The following FHOD3 variants were observed in gnomAD, a reference collection of about 807,000 sequenced individuals.
FHOD3 encodes the protein FH1/FH2 domain-containing protein 3.
Under a neutral mutation model 173.0 loss-of-function variants are expected in FHOD3, and 90 were observed. The observed-to-expected ratio is 0.52, with a 90% CI of 0.44 to 0.62. FHOD3 has a LOEUF of 0.62. Ranked by LOEUF, FHOD3 falls within the 20% of genes least tolerant of loss-of-function variation. FHOD3 has a pLI of 0.00. For synonymous variants in FHOD3, 828 were observed against 823.0 expected, an observed-to-expected ratio of 1.01 and a Z score of -0.10; for missense variants, 1,945 against 2,034.7, an observed-to-expected ratio of 0.96 and a Z score of 0.85.
At chr18:36,498,755 A>G (rs2054871605) in intron 3 of FHOD3, among the ~76,000 whole-genome samples, 1 of 152,252 alleles carries the variant, frequency 6.6e-6, no homozygotes, top group Non-Finnish European at 1.5e-5. Context: ...TTGCAAGAAA[A>G]GAAACTATAA....
At chr18:36,316,287 AAGG>A (rs2044116320) in intron 1 of FHOD3, among the ~76,000 whole-genome samples, 1 of 152,182 alleles carries the variant, frequency 6.6e-6, no homozygotes, top group Admixed American at 6.5e-5. Context: ...GTGAGGGGAC[AAGG>A]AGAAGTTTAG....
chr18:36,572,714 A>G (rs1332719209), intron 5 of FHOD3, among the ~76,000 whole-genome samples: 1 of 112,732 alleles, frequency 8.9e-6, no homozygotes, highest in Admixed American at 9.3e-5. Flanking sequence ...GGCCAGTACC[A>G]GAGGCCCTGA....
At chr18:36,298,110 C>A in intron 1 of FHOD3, 110 bp downstream of exon 1, 2 of 993,994 alleles carry the variant, frequency 2.0e-6, no homozygotes, top group Non-Finnish European at 2.7e-6. Context: ...CTGGGCGCGG[C>A]CCGGGGGGAC....
At chr18:36,667,788 TAAAAA>T (rs1568576702) in intron 14 of FHOD3, among the ~76,000 whole-genome samples, 1 of 152,192 alleles carries the variant, frequency 6.6e-6, no homozygotes, top group East Asian at 1.9e-4. Context: ...CTAACGTTAT[TAAAAA>T]AGAAAAGTAG....
chr18:36,716,367 A>G (rs139898251), intron 18 of FHOD3, among the ~76,000 whole-genome samples: 24 of 152,334 alleles, frequency 1.6e-4, no homozygotes, highest in African/African-American at 5.8e-4. Context: ...TGGAGGATGA[A>G]AGAAAAGAAG....
At chr18:36,432,626 G>A (rs970971193) in intron 3 of FHOD3, among the ~76,000 whole-genome samples, 4 of 152,190 alleles carry the variant, frequency 2.6e-5, no homozygotes, top group Admixed American at 6.5e-5. Flanking sequence ...CCATGATGGG[G>A]TCACACATGG....
At chr18:36,743,039 G>A (rs1196641524) in intron 22 of FHOD3, among the ~76,000 whole-genome samples, 183 bp downstream of exon 22, 4 of 152,160 alleles carry the variant, frequency 2.6e-5, no homozygotes, top group South Asian at 4.1e-4. Flanking sequence ...GGCCGGGCGC[G>A]GTGGCTCACA....
intron 2 of FHOD3, among the ~76,000 whole-genome samples, chr18:36,369,629 G>A (rs891081521): frequency 2.0e-5 from 3 of 151,858 alleles, no homozygotes; most frequent in Non-Finnish European, 2.9e-5. Context: ...TTATATACAT[G>A]TAAAACTATT....
chr18:36,445,498 G>T (rs2051414738), intron 3 of FHOD3, among the ~76,000 whole-genome samples: 2 of 152,162 alleles, frequency 1.3e-5, no homozygotes, highest in Non-Finnish European at 2.9e-5. Context: ...GTTTGGCGGG[G>T]TCGATGTGGT....
intron 5 of FHOD3, among the ~76,000 whole-genome samples, chr18:36,548,915 G>A (rs1236192311): frequency 1.3e-5 from 2 of 152,162 alleles, no homozygotes; most frequent in Non-Finnish European, 2.9e-5. Context: ...GTATGGAGAT[G>A]TTTTTATTTC....
intron 28 of FHOD3, chr18:36,778,039 C>T (rs144760188): frequency 5.8e-4 from 89 of 152,300 alleles, no homozygotes; most frequent in African/African-American, 2.1e-3. Flanking sequence ...TATGTTGACC[C>T]CTGTTCCAAG....
At chr18:36,513,655 G>A (rs575079345) in intron 5 of FHOD3, among the ~76,000 whole-genome samples, 35 of 152,108 alleles carry the variant, frequency 2.3e-4, no homozygotes, top group African/African-American at 8.4e-4. Context: ...GTTTTGCCCC[G>A]AGAATGCTTC....
intron 3 of FHOD3, among the ~76,000 whole-genome samples, chr18:36,469,458 T>C (rs2053148178): frequency 9.0e-6 from 1 of 111,208 alleles, no homozygotes; most frequent in Non-Finnish European, 2.2e-5. Flanking sequence ...CATTTGTTGC[T>C]CCCCTGATCC....
At chr18:36,324,495 A>G (rs1568123118) in intron 1 of FHOD3, among the ~76,000 whole-genome samples, 1 of 152,344 alleles carries the variant, frequency 6.6e-6, no homozygotes, top group East Asian at 1.9e-4. Context: ...GTGTGTAAAT[A>G]TTCAATAAAG....
intron 10 of FHOD3, among the ~76,000 whole-genome samples, chr18:36,646,761 T>G (rs1179678037): frequency 6.6e-6 from 1 of 152,140 alleles, no homozygotes; most frequent in Non-Finnish European, 1.5e-5. Context: ...GAGACTATCT[T>G]TAAGACCTGG....
chr18:36,349,407 T>C (rs982932787), intron 1 of FHOD3, among the ~76,000 whole-genome samples: 2 of 152,170 alleles, frequency 1.3e-5, no homozygotes, highest in African/African-American at 2.4e-5. Context: ...ATTGGGAGGA[T>C]GTGGATGCAG....
At chr18:36,341,037 T>C (rs1398030484) in intron 1 of FHOD3, among the ~76,000 whole-genome samples, 1 of 152,200 alleles carries the variant, frequency 6.6e-6, no homozygotes, top group Non-Finnish European at 1.5e-5. Flanking sequence ...GCGCAGCAGC[T>C]AAGAACAATG....
At chr18:36,461,449 T>TTG (rs1221780288) in intron 3 of FHOD3, among the ~76,000 whole-genome samples, 22 of 149,242 alleles carry the variant, frequency 1.5e-4, no homozygotes, top group African/African-American at 4.3e-4. Context: ...CTGTTTTTTT[T>TTG]TGTGTGTGTG....
intron 14 of FHOD3, among the ~76,000 whole-genome samples, chr18:36,662,073 T>C (rs2036847751): frequency 6.6e-6 from 1 of 152,262 alleles, no homozygotes; most frequent in African/African-American, 2.4e-5. Context: ...TTGAACTATT[T>C]GTGTTCAAGT....
Sources: gnomAD v4.1 joint callset for allele counts (sites outside exome capture counted in the v4.1 genomes callset) on GRCh38, gnomAD v4.1.1 for gene constraint, MANE v1.5 for transcripts, NCBI Gene and HGNC (gene_info 2026-07-23, HGNC 2026-07-21) for gene names.